ACSS3: variants seen among roughly 807,000 people sequenced by gnomAD.
ACSS3 encodes acyl-CoA synthetase short chain family member 3, also known as acyl-CoA synthetase short-chain family member 3, mitochondrial.
Under a neutral mutation model 84.2 loss-of-function variants are expected in ACSS3, and 64 were observed. That is an observed-to-expected ratio of 0.76 (90% CI 0.62 to 0.94). The LOEUF is 0.94. ACSS3 is among the 40% of genes least tolerant of loss of function. ACSS3 has a pLI of 0.00. For synonymous variants in ACSS3, 317 were observed against 310.1 expected (o/e 1.02, Z -0.23); for missense variants, 815 against 867.6 (o/e 0.94, Z 0.76).
At chr12:81,109,529 C>T (rs1217486844) in intron 1 of ACSS3, 31 bp from the exon 2 acceptor site, 3 of 1,593,040 alleles carry the variant, frequency 1.9e-6, no homozygotes, top group East Asian at 4.5e-5. Flanking sequence ...TTAAAGCCAT[C>T]ATTCACCTTT....
chr12:81,252,175 A>C (rs1247010361), intron 13 of ACSS3, among the ~76,000 whole-genome samples: 1 of 152,090 alleles, frequency 6.6e-6, no homozygotes, highest in Non-Finnish European at 1.5e-5. Flanking sequence ...CTAAAGAAAA[A>C]GTTTTTGAGG....
chr12:81,239,862 A>G (rs1243390775), intron 13 of ACSS3, among the ~76,000 whole-genome samples: 1 of 152,070 alleles, frequency 6.6e-6, no homozygotes, highest in Non-Finnish European at 1.5e-5. Flanking sequence ...TACTAATAAC[A>G]GCAACAATAT....
intron 7 of ACSS3, among the ~76,000 whole-genome samples, chr12:81,171,198 T>C (rs576646025): frequency 6.6e-6 from 1 of 152,266 alleles, no homozygotes; most frequent in East Asian, 1.9e-4. Flanking sequence ...AATAAATAAA[T>C]ATACCAGTGT....
chr12:81,258,736 G>A lies in ACSS3; in HGVS notation c.*3814G>A, dbSNP rs552523530. ...ATTGACAAAAGGGAAAGGTATCTTG[G>A]GTTTCGTTTTCTCTAGTGGAAATGA... On this transcript the variant is annotated 3_prime_UTR_variant, in exon 16 of 16. Transcript: ENST00000548058. The A allele has an allele frequency of 4.0e-4, 61 of 152,090 alleles. No individual in the cohort carries two copies. Among genetic ancestry groups the A allele is most frequent in the African/African-American group, 1.4e-3 (60 of 41,512 alleles). The allele number at this position is 152,090 out of a possible 1,614,324, so 9.4% of individuals were successfully genotyped here.
intron 8 of ACSS3, among the ~76,000 whole-genome samples, chr12:81,182,278 C>T (rs923676637): frequency 2.6e-5 from 4 of 152,104 alleles, no homozygotes; most frequent in South Asian, 4.1e-4. Context: ...AAACACAAAA[C>T]TGCTAGCCAG....
chr12:81,089,842 A>G (rs1304895864), intron 1 of ACSS3, among the ~76,000 whole-genome samples: 1 of 152,024 alleles, frequency 6.6e-6, no homozygotes, highest in African/African-American at 2.4e-5. Context: ...AATCTTCCCA[A>G]CAACTCTTAT....
At chr12:81,101,165 G>C (rs1882479131) in intron 1 of ACSS3, among the ~76,000 whole-genome samples, 1 of 151,890 alleles carries the variant, frequency 6.6e-6, no homozygotes, top group Admixed American at 6.6e-5. Flanking sequence ...TGTTATAAGT[G>C]GAAGAAATGC....
At chr12:81,212,075 G>T (rs1465261378) in intron 9 of ACSS3, among the ~76,000 whole-genome samples, 1 of 152,042 alleles carries the variant, frequency 6.6e-6, no homozygotes, top group Non-Finnish European at 1.5e-5. Context: ...TTCTCAGGGA[G>T]GTCTTTCTTG....
intron 1 of ACSS3, among the ~76,000 whole-genome samples, chr12:81,107,548 A>T (rs1883161826): frequency 8.6e-6 from 1 of 115,966 alleles, no homozygotes; most frequent in South Asian, 2.7e-4. Context: ...ATATATATAT[A>T]TATATATATA....
chr12:81,103,754 A>G (rs1039224917), intron 1 of ACSS3, among the ~76,000 whole-genome samples: 2 of 152,174 alleles, frequency 1.3e-5, no homozygotes, highest in African/African-American at 2.4e-5. Context: ...TAATATTTTC[A>G]ATATTAAACT....
chr12:81,104,807 G>A (rs1882835210), intron 1 of ACSS3: 1 of 152,144 alleles, frequency 6.6e-6, no homozygotes, highest in Non-Finnish European at 1.5e-5. Flanking sequence ...CTGCCCACCA[G>A]CACAGTGTCA....
chr12:81,078,533 A>G, intron 1 of ACSS3, 102 bp downstream of exon 1: 1 of 1,315,372 alleles, frequency 7.6e-7, no homozygotes, highest in South Asian at 1.3e-5. Context: ...CACGAAAGAA[A>G]ATTGAAACTG....
chr12:81,245,597 G>A (rs2033958297), intron 13 of ACSS3, among the ~76,000 whole-genome samples: 1 of 152,146 alleles, frequency 6.6e-6, no homozygotes, highest in African/African-American at 2.4e-5. Context: ...TTAAGGGTAG[G>A]CCCTGGAAAA....
At chr12:81,203,037 G>A (rs528974326) in intron 9 of ACSS3, among the ~76,000 whole-genome samples, 1 of 152,266 alleles carries the variant, frequency 6.6e-6, no homozygotes, top group Non-Finnish European at 1.5e-5. Context: ...CTGGTAGCAT[G>A]GCTCAGTCCA....
At position 81,107,045 on chromosome 12, in the gene ACSS3, AT is replaced by A. The variant is rs199557307; in HGVS notation, c.312-2507del. On this transcript the variant is annotated intron_variant, in intron 1 of 15. Coordinates refer to ENST00000548058, the MANE Select transcript of ACSS3 (RefSeq NM_024560.4). Reference sequence around the variant, plus strand: ...AAATGAGTATAATTTTAGACAGGTTATTTTTTTTAAGTAGAGATGTCCTGCA... The same window carrying A: ...AAATGAGTATAATTTTAGACAGGTTATTTTTTTAAGTAGAGATGTCCTGCA... 1.6e-3 allele frequency among the ~76,000 whole-genome samples: 236 copies of A among 151,860 alleles called. 2 individuals carry two copies. Among genetic ancestry groups the A allele is most frequent in the African/African-American group, 4.0e-3 (164 of 41,388 alleles).
intron 13 of ACSS3, among the ~76,000 whole-genome samples, chr12:81,241,389 T>C (rs2135991571): frequency 6.6e-6 from 1 of 152,250 alleles, no homozygotes; most frequent in East Asian, 1.9e-4. Flanking sequence ...TTTCTAGTTC[T>C]AGATCCCTGA....
intron 2 of ACSS3, among the ~76,000 whole-genome samples, chr12:81,122,686 A>G (rs1884733385): frequency 6.6e-6 from 1 of 152,200 alleles, no homozygotes; most frequent in Admixed American, 6.5e-5. Context: ...GAAAGTGTGT[A>G]CATTAGCCAC....
At chr12:81,187,811 A>G (rs1247224993) in intron 8 of ACSS3, among the ~76,000 whole-genome samples, 1 of 151,898 alleles carries the variant, frequency 6.6e-6, no homozygotes, top group African/African-American at 2.4e-5. Flanking sequence ...TTTTTATTAA[A>G]TTGAGAAAGC....
At chr12:81,233,583 CAGAGGCT>C (rs2033534617) in intron 13 of ACSS3, 112 bp downstream of exon 13, 5 of 1,373,972 alleles carry the variant, frequency 3.6e-6, no homozygotes, top group Non-Finnish European at 5.0e-6. Flanking sequence ...TCATTTGCAG[CAGAGGCT>C]AGGTTACTCT....
Sources: gnomAD v4.1 joint callset for allele counts (sites outside exome capture counted in the v4.1 genomes callset) on GRCh38, gnomAD v4.1.1 for gene constraint, MANE v1.5 for transcripts, NCBI Gene and HGNC (gene_info 2026-07-23, HGNC 2026-07-21) for gene names.